Variants in LRRC46 observed in about 807,000 individuals in gnomAD.
LRRC46 encodes the protein leucine-rich repeat-containing protein 46.
A neutral mutation model predicts 28.0 loss-of-function variants in LRRC46; 20 were observed. The ratio of observed to expected loss-of-function variants is 0.71; its 90% CI spans 0.50 to 1.04. The LOEUF (loss-of-function observed/expected upper bound fraction) is 1.04, where lower values mean the gene tolerates loss of function less well. Ranked by LOEUF, LRRC46 falls within the 50% of genes least tolerant of loss-of-function variation. LRRC46 has a pLI of 0.00. For missense variants in LRRC46, 315 were observed against 390.1 expected, an observed-to-expected ratio of 0.81 and a Z score of 1.62; for synonymous variants, 156 against 158.8, an observed-to-expected ratio of 0.98 and a Z score of 0.13.
rs956591122 is a variant in LRRC46 at position 47,831,683 on chromosome 17, T to C, written c.-307T>C. ...CTTTACCTCCCCACTCGGCGTCCAGTCTCTTAGCAACGACTCCGGCTTCCT... is the reference window on the plus strand; with the variant it reads ...CTTTACCTCCCCACTCGGCGTCCAGCCTCTTAGCAACGACTCCGGCTTCCT... On this transcript the variant is annotated 5_prime_UTR_variant, in exon 1 of 8. Coordinates refer to ENST00000269025, the MANE Select transcript of LRRC46 (RefSeq NM_033413.4). The C allele has an allele frequency of 2.9e-6, 2 of 688,468 alleles. No individual in the cohort carries two copies. The highest frequency in any genetic ancestry group is 4.9e-6 in the Non-Finnish European group (2 of 409,484). 42.6% of individuals were successfully genotyped at this position (688,468 alleles called of 1,614,324 possible). A position where few individuals can be genotyped will look rare whatever the true frequency, so the allele number is the denominator to read the frequency against.
At chr17:47,833,894 G>A in intron 2 of LRRC46, 4 of 984,824 alleles carry the variant, frequency 4.1e-6, no homozygotes, top group Non-Finnish European at 3.6e-6. Flanking sequence ...GGGAGTACAG[G>A]GTAAGCCACC....
At position 47,837,004 on chromosome 17, in the gene LRRC46, G is replaced by T. The variant is rs780411267; in HGVS notation, c.850G>T (p.Gly284Cys). 7.4e-6 allele frequency: 12 copies of T among 1,612,230 alleles called. No homozygotes were observed. The highest frequency in any genetic ancestry group is 2.7e-5 in the African/African-American group (2 of 74,610). Reference sequence around the variant, plus strand: ...GAAACCATGCAGTCTGATTCCCAGGGGCCACCAAAGCTCTTTCTGGGGAAG... The same window carrying T: ...GAAACCATGCAGTCTGATTCCCAGGTGCCACCAAAGCTCTTTCTGGGGAAG... ...TKKPCSLIPR[G>C]HQSSFWGRKG... Residue 284 changes from glycine (G) to cysteine (C), a missense_variant, in exon 8 of 8, where the codon GGC becomes TGC. Gly to Cys is a radical substitution (Grantham distance 159). Transcript: ENST00000269025.
Position 47,831,880 on chromosome 17 carries a change from T to G in LRRC46, c.-110T>G. 6.9e-7 allele frequency: 1 copy of G among 1,442,146 alleles called. No individual in the cohort carries two copies. The highest frequency in any genetic ancestry group is 9.7e-7 in the Non-Finnish European group (1 of 1,033,908). 89.3% of individuals were successfully genotyped at this position (1,442,146 alleles called of 1,614,324 possible). ...CCCCTTTCCTCCTCTCCTAAGTCTC[T>G]GAGTTTCTCTCTCCTCCTGCCATCC... is the stretch of plus-strand genomic sequence containing the variant. On this transcript the variant is annotated 5_prime_UTR_variant, in exon 1 of 8. Coordinates refer to ENST00000269025, the MANE Select transcript of LRRC46 (RefSeq NM_033413.4).
chr17:47,836,574 G>T lies in LRRC46; in HGVS notation c.595+99G>T. On this transcript the variant is annotated intron_variant, in intron 7 of 7. Coordinates refer to ENST00000269025, the MANE Select transcript of LRRC46 (RefSeq NM_033413.4). This position sits in a 1 kb window ranked among gnomAD's most constrained non-coding sequence, Gnocchi z 5.8. ...GTGGCAGTGGCGTCCGGGGAGGGGA[G>T]CCCCAAGTTCAGATCAACATCTGGG... The T allele has an allele frequency of 6.5e-7, 1 of 1,533,504 alleles. No individual in the cohort carries two copies. 95.0% of individuals were successfully genotyped at this position (1,533,504 alleles called of 1,614,324 possible). A position where few individuals can be genotyped will look rare whatever the true frequency, so the allele number is the denominator to read the frequency against.
At position 47,837,148 on chromosome 17, in the gene LRRC46, G is replaced by A. The variant is rs775134789; in HGVS notation, c.*28G>A. 7 of 1,590,728 alleles carry A rather than the reference G, an allele frequency of 4.4e-6. No individual in the cohort carries two copies. Among genetic ancestry groups the A allele is most frequent in the African/African-American group, 1.4e-5 (1 of 72,936 alleles). ...CTCTGTCAACCTTTCTCTACTAGTGGAGAGGAGTGGGGCCTGCCCCTCTTC... is the reference window on the plus strand; with the variant it reads ...CTCTGTCAACCTTTCTCTACTAGTGAAGAGGAGTGGGGCCTGCCCCTCTTC... On this transcript the variant is annotated 3_prime_UTR_variant, in exon 8 of 8. Transcript: ENST00000269025.
Position 47,837,684 on chromosome 17 carries a change from A to T in LRRC46, c.*564A>T. On this transcript the variant is annotated 3_prime_UTR_variant, in exon 8 of 8. Coordinates refer to ENST00000269025, the MANE Select transcript of LRRC46 (RefSeq NM_033413.4). ...CCCCACTGGTCCTGGGATAAAGTTCACTGAAGAGAAAATAAAGCACATTTA... is the reference window on the plus strand; with the variant it reads ...CCCCACTGGTCCTGGGATAAAGTTCTCTGAAGAGAAAATAAAGCACATTTA... 1 of 919,356 alleles carries T rather than the reference A, an allele frequency of 1.1e-6. No individual in the cohort carries two copies. The allele number at this position is 919,356 out of a possible 1,614,324, so 56.9% of individuals were successfully genotyped here.
In LRRC46 at chr17:47,835,380, G is replaced by A. The variant is rs1296807144; in HGVS notation, c.253G>A (p.Ala85Thr). The change falls in exon 4 of 8, where the codon GCT (alanine) becomes ACT (threonine). Residue 85 changes from alanine to threonine, a missense_variant. Coordinates refer to ENST00000269025, the MANE Select transcript of LRRC46 (RefSeq NM_033413.4). The part of the protein sequence containing the change: ...GNKIQQIENL[A>T]CIPSLRFLSL... ...TAAGATCCAGCAAATTGAGAACCTG[G>A]CTTGCATCCCCTCCTTGCGGTATGT... 6.2e-7 allele frequency: 1 copy of A among 1,614,146 alleles called. No individual in the cohort carries two copies. The highest frequency in any genetic ancestry group is 2.2e-5 in the East Asian group (1 of 44,888).
chr17:47,836,478 G>T lies in LRRC46; in HGVS notation c.595+3G>T. 1 of 1,613,588 alleles carries T rather than the reference G, an allele frequency of 6.2e-7. No homozygotes were observed. Among genetic ancestry groups the T allele is most frequent in the Non-Finnish European group, 8.5e-7 (1 of 1,179,658 alleles). On this transcript the variant is annotated splice_donor_region_variant and intron_variant, in intron 7 of 7. Coordinates refer to ENST00000269025, the MANE Select transcript of LRRC46 (RefSeq NM_033413.4). This position sits in a 1 kb window ranked among gnomAD's most constrained non-coding sequence, Gnocchi z 5.8. ...TGGCCCATTCTGCTCAGAACGAGGT[G>T]ACCCTGCTTTCCAAGGTTTTCAGCC...
chr17:47,832,186 G>T lies in LRRC46; in HGVS notation c.97G>T (p.Gly33Trp), dbSNP rs1398926467. The T allele has an allele frequency of 1.3e-6, 2 of 1,597,500 alleles. No individual in the cohort carries two copies. Among genetic ancestry groups the T allele is most frequent in the Admixed American group, 1.7e-5 (1 of 57,748 alleles). ...TKRNLTFPED[G>W]ELSEKMFHTL... The stretch of plus-strand genomic sequence containing the variant: ...GCGGAACTTGACTTTCCCTGAAGAT[G>T]GGGAACTGTCAGAGAAGATGTGAGT... The change falls in exon 2 of 8, where the codon GGG becomes TGG. Residue 33 changes from glycine (G) to tryptophan (W), a missense_variant. Coordinates refer to ENST00000269025, the MANE Select transcript of LRRC46 (RefSeq NM_033413.4).
rs191580083 is a variant in LRRC46, at chr17:47,831,733, T to C, written c.-257T>C. 208 of 638,838 alleles carry C rather than the reference T, an allele frequency of 3.3e-4. No individual in the cohort carries two copies. In the East Asian group the frequency reaches 5.0e-3, roughly 15 times the overall value. 39.6% of individuals were successfully genotyped at this position (638,838 alleles called of 1,614,324 possible). On this transcript the variant is annotated 5_prime_UTR_variant, in exon 1 of 8. Transcript: ENST00000269025. ...TAGGAACTGCTCCTTTCTCAACCAT[T>C]CCTGCCCACAACACCCCAGCTTGCT...
In LRRC46 at chr17:47,837,467, A is replaced by T; in HGVS notation, c.*347A>T. The T allele has an allele frequency of 2.5e-6, 1 of 403,262 alleles. No individual in the cohort carries two copies. The highest frequency in any genetic ancestry group is 4.4e-6 in the Non-Finnish European group (1 of 225,720). The allele number at this position is 403,262 out of a possible 1,614,324, so 25.0% of individuals were successfully genotyped here. ...TGCCATCTCACTGCCACCCCTAGCG[A>T]GTGCCCTTCCCCGGTCCAAGCCAAG... On this transcript the variant is annotated 3_prime_UTR_variant, in exon 8 of 8. Transcript: ENST00000269025.
Position 47,835,687 on chromosome 17 carries a change from C to T in LRRC46, c.294C>T (p.Asn98=). 1 of 1,614,172 alleles carries T rather than the reference C, an allele frequency of 6.2e-7. No homozygotes were observed. The highest frequency in any genetic ancestry group is 1.1e-5 in the South Asian group (1 of 91,084). The change falls in exon 5 of 8, where the codon AAC becomes AAT. Residue 98 remains asparagine (N), a synonymous_variant. Transcript: ENST00000269025. ...PSLRFLSLAG[N]QIRQVENLLD... is the part of the protein sequence containing the mutation. ...ACAGCTTCCTGTCTCTGGCAGGAAA[C>T]CAAATCAGGCAGGTGGAAAACCTCC...
chr17:47,834,425 GTTTCACAC>G lies in LRRC46; in HGVS notation c.119_126del (p.Phe40SerfsTer2). The G allele has an allele frequency of 6.2e-7, 1 of 1,609,894 alleles. No homozygotes were observed. The highest frequency in any genetic ancestry group is 1.1e-5 in the South Asian group (1 of 90,560). On this transcript the variant is annotated frameshift_variant and splice_region_variant, in exon 3 of 8. Transcript: ENST00000269025. LOFTEE classifies it high-confidence loss of function. ...CCACCCTTACTGACTCTTTTCCCAG[GTTTCACAC>G]TCTTGATGAACTGCAGACTGTCCGC...
rs754136920 is a variant in LRRC46 at position 47,837,007 on chromosome 17, C to T, written c.853C>T (p.His285Tyr). The T allele has an allele frequency of 3.1e-6, 5 of 1,611,928 alleles. No homozygotes were observed. Among genetic ancestry groups the T allele is most frequent in the South Asian group, 2.2e-5 (2 of 91,028 alleles). Residue 285 changes from histidine (H) to tyrosine (Y), a missense_variant, in exon 8 of 8, where the codon CAC becomes TAC. His to Tyr is a moderately conservative substitution (Grantham distance 83). Coordinates refer to ENST00000269025, the MANE Select transcript of LRRC46 (RefSeq NM_033413.4). ...KKPCSLIPRGHQSSFWGRKGA... is the reference protein window; with the variant it reads ...KKPCSLIPRGYQSSFWGRKGA... ...ACCATGCAGTCTGATTCCCAGGGGC[C>T]ACCAAAGCTCTTTCTGGGGAAGGAA...
Position 47,835,333 on chromosome 17 carries a change from A to G in LRRC46, c.226-20A>G. 6.2e-7 allele frequency: 1 copy of G among 1,614,120 alleles called. No homozygotes were observed. Among genetic ancestry groups the G allele is most frequent in the Non-Finnish European group, 8.5e-7 (1 of 1,179,974 alleles). On this transcript the variant is annotated intron_variant, in intron 3 of 7. Coordinates refer to ENST00000269025, the MANE Select transcript of LRRC46 (RefSeq NM_033413.4). Reference sequence around the variant, plus strand: ...CATCTGATCTCAGCTTGGTTTCCCCACTTCGGTTTCTTCTTGCAGAATAAG... The same window carrying G: ...CATCTGATCTCAGCTTGGTTTCCCCGCTTCGGTTTCTTCTTGCAGAATAAG...
Position 47,831,676 on chromosome 17 carries a change from C to T in LRRC46, c.-314C>T, listed in dbSNP as rs1378057137. The T allele has an allele frequency of 1.4e-6, 1 of 701,150 alleles. No individual in the cohort carries two copies. 43.4% of individuals were successfully genotyped at this position (701,150 alleles called of 1,614,324 possible). ...AGCCCGCCTTTACCTCCCCACTCGG[C>T]GTCCAGTCTCTTAGCAACGACTCCG... On this transcript the variant is annotated 5_prime_UTR_variant, in exon 1 of 8. Coordinates refer to ENST00000269025, the MANE Select transcript of LRRC46 (RefSeq NM_033413.4).
rs1477976128 is a variant in LRRC46, at chr17:47,837,622, C to T, written c.*502C>T. ...ACACAACCACAGGCCCCGCAGCCAGCCCACAGCTGCCTTTGGGCCTCACTT... is the reference window on the plus strand; with the variant it reads ...ACACAACCACAGGCCCCGCAGCCAGTCCACAGCTGCCTTTGGGCCTCACTT... On this transcript the variant is annotated 3_prime_UTR_variant, in exon 8 of 8. Transcript: ENST00000269025. The T allele has an allele frequency of 6.9e-6, 4 of 579,224 alleles. No homozygotes were observed. The highest frequency in any genetic ancestry group is 1.2e-5 in the Non-Finnish European group (4 of 344,584). The allele number at this position is 579,224 out of a possible 1,614,324, so 35.9% of individuals were successfully genotyped here.
intron 2 of LRRC46, 29 bp downstream of exon 2, chr17:47,832,234 T>G: frequency 6.6e-7 from 1 of 1,508,586 alleles, no homozygotes; most frequent in Non-Finnish European, 9.0e-7. Flanking sequence ...AAAGGGGTGC[T>G]AGAAGGCTGA....
chr17:47,833,346 C>T (rs571620459), intron 2 of LRRC46, among the ~76,000 whole-genome samples: 39 of 151,608 alleles, frequency 2.6e-4, no homozygotes, highest in African/African-American at 9.4e-4. Context: ...TTCTTTCTTT[C>T]TTCTTCCTCT....
Sources: allele counts gnomAD v4.1 joint callset (sites outside exome capture counted in the v4.1 genomes callset), GRCh38; gene constraint gnomAD v4.1.1; non-coding constraint Gnocchi (gnomAD v3.1); transcripts MANE v1.5; gene names NCBI Gene and HGNC (gene_info 2026-07-23, HGNC 2026-07-21).